The following METTL6 variants were observed in gnomAD, a reference collection of about 807,000 sequenced individuals.
METTL6 encodes tRNA N(3)-cytidine methyltransferase METTL6.
In METTL6, 22 loss-of-function variants were observed where a neutral mutation model predicts 26.4. The ratio of observed to expected loss-of-function variants is 0.83; its 90% CI spans 0.59 to 1.19. The LOEUF (loss-of-function observed/expected upper bound fraction) is 1.19. Among genes scored for constraint, METTL6 ranks in the 50% most tolerant of loss-of-function variants. The pLI is 0.00. For missense variants in METTL6, 304 were observed against 324.8 expected, an observed-to-expected ratio of 0.94 and a Z score of 0.49; for synonymous variants, 109 against 116.2, an observed-to-expected ratio of 0.94 and a Z score of 0.40.
chr3:15,392,949 CT>C (rs552824473), intron 6 of METTL6, among the ~76,000 whole-genome samples: 212 of 152,266 alleles, frequency 1.4e-3, no homozygotes, highest in Middle Eastern at 6.8e-3. Flanking sequence ...CAGCTTTGTT[CT>C]TTTGGCTTAG....
chr3:15,424,804 T>C (rs2061681965), intron 3 of METTL6, 151 bp downstream of exon 3: 2 of 909,488 alleles, frequency 2.2e-6, no homozygotes, highest in Non-Finnish European at 1.7e-6. Context: ...ATGCACTGTA[T>C]ATGTATGTAA....
At chr3:15,418,946 G>T (rs190480512) in intron 3 of METTL6, among the ~76,000 whole-genome samples, 268 of 152,166 alleles carry the variant, frequency 1.8e-3, no homozygotes, top group African/African-American at 6.3e-3. Flanking sequence ...TTAATATTTT[G>T]CCATGATAAT....
At chr3:15,391,451 T>C (rs1269231843) in intron 6 of METTL6, among the ~76,000 whole-genome samples, 1 of 152,148 alleles carries the variant, frequency 6.6e-6, no homozygotes, top group Non-Finnish European at 1.5e-5. Context: ...TCTACTAAAA[T>C]GTTACATTGC....
At chr3:15,403,280 TTAATTTA>T (rs1340426115) in intron 6 of METTL6, among the ~76,000 whole-genome samples, 1 of 152,202 alleles carries the variant, frequency 6.6e-6, no homozygotes, top group Non-Finnish European at 1.5e-5. Context: ...TGGGCCTCAT[TTAATTTA>T]TAATTATTTC....
At position 15,414,176 on chromosome 3, in the gene METTL6, G is replaced by A. The variant is rs960442926; in HGVS notation, c.532-14C>T. ...TGGTTTTAATACCTATGAAACAAAA[G>A]CAGGCTGAACATGACTTTGGAGAAC... On this transcript the variant is annotated splice_polypyrimidine_tract_variant and intron_variant, in intron 4 of 5. Transcript: ENST00000383790. The A allele has an allele frequency of 6.2e-7, 1 of 1,600,416 alleles. No individual in the cohort carries two copies. The highest frequency in any genetic ancestry group is 8.5e-7 in the Non-Finnish European group (1 of 1,175,676).
chr3:15,396,301 A>C (rs1042548195), intron 6 of METTL6, among the ~76,000 whole-genome samples: 2 of 152,152 alleles, frequency 1.3e-5, no homozygotes, highest in Admixed American at 6.5e-5. Context: ...AGGCTTGTGC[A>C]TTTGTCACGT....
intron 6 of METTL6, among the ~76,000 whole-genome samples, chr3:15,396,002 T>C (rs1470045571): frequency 2.0e-5 from 3 of 152,186 alleles, no homozygotes; most frequent in Non-Finnish European, 4.4e-5. Context: ...GGAGTATCTT[T>C]GTGGTGTTCT....
chr3:15,423,311 T>C (rs1024894497), intron 3 of METTL6, among the ~76,000 whole-genome samples: 1 of 152,180 alleles, frequency 6.6e-6, no homozygotes, highest in African/African-American at 2.4e-5. Context: ...GAGAATCACT[T>C]GAACCCAGGA....
chr3:15,425,225 G>A (rs2061692193), intron 2 of METTL6, 136 bp from the exon 3 acceptor site: 1 of 841,332 alleles, frequency 1.2e-6, no homozygotes, highest in African/African-American at 1.7e-5. Context: ...ATAAGCAAAA[G>A]CTAATACTGG....
At chr3:15,391,523 C>T in intron 6 of METTL6, among the ~76,000 whole-genome samples, 1 of 151,942 alleles carries the variant, frequency 6.6e-6, no homozygotes, top group Admixed American at 6.6e-5. Context: ...TTTTATTATA[C>T]TTTAAGTTTT....
intron 3 of METTL6, among the ~76,000 whole-genome samples, chr3:15,419,266 T>C (rs528396304): frequency 6.6e-6 from 1 of 151,238 alleles, no homozygotes; most frequent in African/African-American, 2.4e-5. Flanking sequence ...ATATCTAGAA[T>C]ATATCCTGAA....
exon 7 of METTL6, chr3:15,382,899 G>T (rs1294078575): frequency 6.6e-6 from 1 of 152,132 alleles, no homozygotes; most frequent in African/African-American, 2.4e-5. Context: ...AATACCACAT[G>T]ATTTCACTTA....
chr3:15,384,548 C>T (rs958337073), intron 6 of METTL6: 6 of 156,580 alleles, frequency 3.8e-5, no homozygotes, highest in African/African-American at 1.4e-4. Flanking sequence ...CAGGACCAGC[C>T]TGGGCAACAT....
At chr3:15,416,527 T>TTACAGGCATGAGCCAC (rs1482679380) in intron 3 of METTL6, among the ~76,000 whole-genome samples, 4 of 152,186 alleles carry the variant, frequency 2.6e-5, no homozygotes, top group African/African-American at 4.8e-5. Context: ...AGTGCTGGGA[T>TTACAGGCATGAGCCAC]TACAGGCATG....
intron 3 of METTL6, among the ~76,000 whole-genome samples, chr3:15,421,963 C>T (rs1186784961): frequency 6.6e-6 from 1 of 152,006 alleles, no homozygotes; most frequent in Non-Finnish European, 1.5e-5. Flanking sequence ...CAGAGTCATA[C>T]TTTGTTGCCT....
chr3:15,412,215 T>C (rs994292682), intron 5 of METTL6, among the ~76,000 whole-genome samples: 1 of 152,238 alleles, frequency 6.6e-6, no homozygotes, highest in Non-Finnish European at 1.5e-5. Flanking sequence ...AAATTTGTGA[T>C]CAGAGTGGAG....
At chr3:15,406,657 G>C (rs1431423396), downstream of METTL6, among the ~76,000 whole-genome samples, 2 of 144,320 alleles carry the variant, frequency 1.4e-5, no homozygotes, top group South Asian at 4.6e-4. Flanking sequence ...GAGAGAGAGA[G>C]AGAGAGAGAG....
intron 6 of METTL6, among the ~76,000 whole-genome samples, chr3:15,402,404 G>A (rs1388665903): frequency 6.6e-6 from 1 of 152,166 alleles, no homozygotes; most frequent in Non-Finnish European, 1.5e-5. Flanking sequence ...GGGGACCACA[G>A]GAACAGCTGG....
intron 3 of METTL6, among the ~76,000 whole-genome samples, chr3:15,422,458 T>C (rs2061629880): frequency 6.6e-6 from 1 of 152,032 alleles, no homozygotes; most frequent in African/African-American, 2.4e-5. Context: ...ACCCTGTCTC[T>C]ACAAAAAAAT....
Sources: gnomAD v4.1 joint callset for allele counts (sites outside exome capture counted in the v4.1 genomes callset) on GRCh38, gnomAD v4.1.1 for gene constraint, MANE v1.5 for transcripts, NCBI Gene and HGNC (gene_info 2026-07-23, HGNC 2026-07-21) for gene names.